The following CACNA1E variants were observed in gnomAD, a reference collection of about 807,000 sequenced individuals.
CACNA1E encodes calcium voltage-gated channel subunit alpha1 E, also known as voltage-dependent R-type calcium channel subunit alpha-1E.
A neutral mutation model predicts 259.2 loss-of-function variants in CACNA1E; 40 were observed. The ratio of observed to expected loss-of-function variants is 0.15; its 90% CI spans 0.12 to 0.20. CACNA1E has a LOEUF of 0.20. Among genes scored for constraint, CACNA1E ranks in the 10% least tolerant of loss-of-function variants. CACNA1E has a pLI of 1.00. For synonymous variants in CACNA1E, 1,104 were observed against 1,138.5 expected (o/e 0.97, Z 0.61); for missense variants, 1,874 against 3,040.1 (o/e 0.62, Z 9.02).
intron 44 of CACNA1E, among the ~76,000 whole-genome samples, chr1:181,790,852 C>CTT (rs1188530957): frequency 6.6e-6 from 1 of 152,208 alleles, no homozygotes; most frequent in Non-Finnish European, 1.5e-5. Context: ...CCGGAAGTCA[C>CTT]TTATAAAATC....
rs567805378 is a variant in CACNA1E at position 181,456,021 on chromosome 1, G to A, written c.435-27723G>A. ...ACTAAAATGGGAAGAGAGCCTGTTT[G>A]GAGGAGAAGAATTTGGTTTCAGGGA... On this transcript the variant is annotated intron_variant, in intron 2 of 11. Transcript: ENST00000524607. Among the ~76,000 whole-genome samples the A allele has an allele frequency of 5.9e-5, 9 of 152,314 alleles. No homozygotes were observed. In the South Asian group the frequency reaches 1.9e-3, roughly 32 times the overall value.
intron 7 of CACNA1E, among the ~76,000 whole-genome samples, chr1:181,710,165 G>T (rs573737223): frequency 6.6e-6 from 1 of 152,138 alleles, no homozygotes; most frequent in Non-Finnish European, 1.5e-5. Context: ...CTTCACCTGA[G>T]TGTTCCCTCT....
intron 32 of CACNA1E, among the ~76,000 whole-genome samples, chr1:181,759,903 A>T (rs1343474409): frequency 6.6e-6 from 1 of 152,208 alleles, no homozygotes; most frequent in African/African-American, 2.4e-5. Context: ...TTGAAAAACC[A>T]TTAATTTGAT....
intron 6 of CACNA1E, among the ~76,000 whole-genome samples, chr1:181,631,430 C>T (rs1459491658): frequency 6.6e-6 from 1 of 152,178 alleles, no homozygotes; most frequent in Non-Finnish European, 1.5e-5. Flanking sequence ...TTTTCAGTCT[C>T]TCTGAATATA....
intron 2 of CACNA1E, among the ~76,000 whole-genome samples, chr1:181,511,146 G>A (rs1247367342): frequency 6.6e-6 from 1 of 152,138 alleles, no homozygotes; most frequent in Non-Finnish European, 1.5e-5. Context: ...CCCTGGGTGT[G>A]ACCCTCACAT....
intron 2 of CACNA1E, among the ~76,000 whole-genome samples, chr1:181,458,450 A>G (rs1661597593): frequency 6.6e-6 from 1 of 152,232 alleles, no homozygotes; most frequent in African/African-American, 2.4e-5. Flanking sequence ...GCCCCTTTCA[A>G]GATTGAGCTA....
At position 181,732,302 on chromosome 1, in the gene CACNA1E, C is replaced by T. The variant is rs564846199; in HGVS notation, c.2298-82C>T. 3.3e-5 allele frequency: 47 copies of T among 1,444,428 alleles called. No homozygotes were observed. The highest frequency in any genetic ancestry group is 1.5e-4 in the Admixed American group (5 of 33,614). The allele number at this position is 1,444,428 out of a possible 1,614,324, so 89.5% of individuals were successfully genotyped here. On this transcript the variant is annotated intron_variant, in intron 19 of 47. Transcript: ENST00000367573. This position sits in a 1 kb window ranked among gnomAD's most constrained non-coding sequence, Gnocchi z 5.5. ...CATTTGCCCCCACCATGTGTCCTGC[C>T]CTCTCACATGGCCCCTGTGGCCACC...
intron 32 of CACNA1E, among the ~76,000 whole-genome samples, chr1:181,760,804 T>C (rs902199103): frequency 2.0e-5 from 3 of 152,238 alleles, no homozygotes; most frequent in Non-Finnish European, 4.4e-5. Context: ...TAGTCTACAC[T>C]GCACTGTACT....
At chr1:181,615,953 A>T (rs1352123028) in intron 6 of CACNA1E, among the ~76,000 whole-genome samples, 3 of 152,188 alleles carry the variant, frequency 2.0e-5, no homozygotes, top group Admixed American at 6.5e-5. Context: ...ACACAAGTTG[A>T]ACTTTACTAA....
chr1:181,731,814 T>C (rs1199865148), intron 19 of CACNA1E, among the ~76,000 whole-genome samples: 1 of 151,972 alleles, frequency 6.6e-6, no homozygotes, highest in Non-Finnish European at 1.5e-5. Context: ...TTATTAGCTA[T>C]TGTGGAAGAG....
chr1:181,577,767 A>G lies in CACNA1E; in HGVS notation c.514A>G (p.Ile172Val). ...ACCCTTCTGTGTCTCTGTCTGCAGC[A>G]TCCTGGCCACTGCAGGAACCCACTT... ...VMDFIVVLSG[I>V]LATAGTHFNT... The change falls in exon 4 of 48, where the codon ATC (isoleucine) becomes GTC (valine). Residue 172 changes from isoleucine (I) to valine (V), a missense_variant and splice_region_variant. Around this residue, in one of 14 missense-constraint regions of CACNA1E, gnomAD observed 55 missense variants for 156.5 expected, o/e 0.35. Transcript: ENST00000367573. 1 of 1,600,064 alleles carries G rather than the reference A, an allele frequency of 6.2e-7. No homozygotes were observed. The highest frequency in any genetic ancestry group is 8.5e-7 in the Non-Finnish European group (1 of 1,171,214).
At position 181,560,019 on chromosome 1, in the gene CACNA1E, G is replaced by A. The variant is rs578161652; in HGVS notation, c.513-17747G>A. Among the ~76,000 whole-genome samples the A allele has an allele frequency of 8.5e-5, 13 of 152,138 alleles. No individual in the cohort carries two copies. In the East Asian group the frequency reaches 2.5e-3, roughly 30 times the overall value. On this transcript the variant is annotated intron_variant, in intron 3 of 47. Transcript: ENST00000367573. ...TAAAATAAGGATCTCTAATGATTAT[G>A]GAAGAGCTATTTTTTTTTTCTGTAT...
upstream of CACNA1E, chr1:181,483,280 A>G (rs1663455142): frequency 6.5e-6 from 1 of 152,800 alleles, no homozygotes; most frequent in African/African-American, 2.4e-5. Flanking sequence ...TCCCCCAACC[A>G]ATAAATCACC....
rs560633021 is a variant in CACNA1E, at chr1:181,565,070, C to A, written c.513-12696C>A. Among the ~76,000 whole-genome samples, 25 of 152,246 alleles carry A rather than the reference C, an allele frequency of 1.6e-4. No homozygotes were observed. In the South Asian group the frequency reaches 3.7e-3, roughly 23 times the overall value. On this transcript the variant is annotated intron_variant, in intron 3 of 47. Coordinates refer to ENST00000367573, the MANE Select transcript of CACNA1E (RefSeq NM_001205293.3). ...AATGGTCAGTGAGCATTGGTGTCAC[C>A]TTAAGTCACTAACTGCATTTACCCA...
chr1:181,470,342 A>C (rs1381790172), intron 2 of CACNA1E, among the ~76,000 whole-genome samples: 1 of 151,976 alleles, frequency 6.6e-6, no homozygotes, highest in Non-Finnish European at 1.5e-5. Flanking sequence ...GCATGTGCCA[A>C]AACACTTGGC....
chr1:181,774,368 C>A (rs1659784066), intron 37 of CACNA1E, among the ~76,000 whole-genome samples: 1 of 152,224 alleles, frequency 6.6e-6, no homozygotes, highest in African/African-American at 2.4e-5. Context: ...GTGGCTCCAA[C>A]CTCAGAGGCA....
intron 6 of CACNA1E, among the ~76,000 whole-genome samples, chr1:181,589,779 C>A (rs1262810426): frequency 6.6e-6 from 1 of 152,142 alleles, no homozygotes; most frequent in Non-Finnish European, 1.5e-5. Flanking sequence ...AATGTGAAAG[C>A]TGGTGAACTC....
intron 2 of CACNA1E, among the ~76,000 whole-genome samples, chr1:181,448,748 A>G (rs1247770660): frequency 1.3e-5 from 2 of 152,242 alleles, no homozygotes; most frequent in African/African-American, 4.8e-5. Flanking sequence ...TAAGTGGCTT[A>G]AAGTGGAACC....
intron 7 of CACNA1E, among the ~76,000 whole-genome samples, chr1:181,666,950 A>T (rs1648294585): frequency 6.6e-6 from 1 of 152,132 alleles, no homozygotes; most frequent in Non-Finnish European, 1.5e-5. Flanking sequence ...ATTAAATCAT[A>T]AAAGGATTCA....
Sources: allele counts gnomAD v4.1 joint callset (sites outside exome capture counted in the v4.1 genomes callset), GRCh38; gene constraint gnomAD v4.1.1; regional missense constraint gnomAD v4.1.1; non-coding constraint Gnocchi (gnomAD v3.1); transcripts MANE v1.5; gene names NCBI Gene and HGNC (gene_info 2026-07-23, HGNC 2026-07-21).